The following QNG1 variants were observed in gnomAD, a reference collection of about 807,000 sequenced individuals.
The protein encoded by QNG1 is queuosine 5'-phosphate N-glycosylase/hydrolase.
chr9:83,945,554 A>G, the QNG1 span, among the ~76,000 whole-genome samples: 1 of 152,108 alleles, frequency 6.6e-6, no homozygotes, highest in African/African-American at 2.4e-5. Context: ...TTCTTTTTCA[A>G]TGGCATTACT....
At chr9:83,955,281 T>G in the QNG1 span, 1 of 1,237,634 alleles carries the variant, frequency 8.1e-7, no homozygotes, top group Non-Finnish European at 1.1e-6. Flanking sequence ...AGGAATACAT[T>G]TAAAAATTTA....
the QNG1 span, among the ~76,000 whole-genome samples, chr9:83,947,106 T>C: frequency 6.6e-6 from 1 of 152,204 alleles, no homozygotes; most frequent in South Asian, 2.1e-4. Context: ...AATCTACAAA[T>C]GCAAATCAGC....
chr9:83,951,098 C>T, the QNG1 span, among the ~76,000 whole-genome samples: 1 of 151,858 alleles, frequency 6.6e-6, no homozygotes, highest in African/African-American at 2.4e-5. Flanking sequence ...ATGGTGAAAC[C>T]CTGCCTCTAC....
the QNG1 span, among the ~76,000 whole-genome samples, chr9:83,944,494 A>G: frequency 6.6e-6 from 1 of 152,166 alleles, no homozygotes; most frequent in Non-Finnish European, 1.5e-5. Flanking sequence ...ACACTCTTCA[A>G]ATACTATAAC....
chr9:83,947,409 T>C, the QNG1 span, among the ~76,000 whole-genome samples: 22 of 152,238 alleles, frequency 1.4e-4, no homozygotes, highest in African/African-American at 4.6e-4. Flanking sequence ...TAACCTAATA[T>C]TGCTTAACCT....
the QNG1 span, among the ~76,000 whole-genome samples, chr9:83,943,862 A>T: frequency 6.6e-6 from 1 of 152,148 alleles, no homozygotes. Flanking sequence ...TCTGCTAAAA[A>T]TACAAAAAAT....
chr9:83,955,633 T>C, the QNG1 span: 3 of 1,610,770 alleles, frequency 1.9e-6, no homozygotes, highest in Non-Finnish European at 1.7e-6. Flanking sequence ...CACTAGTTAT[T>C]GGTATCCCTT....
At chr9:83,955,635 G>C in the QNG1 span, 1 of 1,610,274 alleles carries the variant, frequency 6.2e-7, no homozygotes, top group Non-Finnish European at 8.5e-7. Flanking sequence ...CTAGTTATTG[G>C]TATCCCTTTA....
chr9:83,952,655 C>T, the QNG1 span, among the ~76,000 whole-genome samples: 313 of 152,032 alleles, frequency 2.1e-3, 2 homozygotes, highest in African/African-American at 6.6e-3. Flanking sequence ...ATTAGCCGCG[C>T]GTGGTGGCGG....
the QNG1 span, among the ~76,000 whole-genome samples, chr9:83,943,331 C>CAA: frequency 6.7e-4 from 42 of 62,498 alleles, 2 homozygotes; most frequent in African/African-American, 1.5e-3. Context: ...CAGAGCGTCT[C>CAA]AAAAAAAAAA....
the QNG1 span, chr9:83,956,492 C>T: frequency 2.0e-6 from 3 of 1,522,312 alleles, no homozygotes; most frequent in Non-Finnish European, 2.6e-6. Flanking sequence ...GATTTAGGAG[C>T]CCGTCCATTC....
At chr9:83,956,622 A>C in the QNG1 span, 1 of 778,450 alleles carries the variant, frequency 1.3e-6, no homozygotes, top group East Asian at 2.8e-5. Flanking sequence ...CCGCCCTGCC[A>C]GGGAGTGGCA....
At chr9:83,939,656 A>G in the QNG1 span, 1 of 1,614,238 alleles carries the variant, frequency 6.2e-7, no homozygotes, top group Non-Finnish European at 8.5e-7. Context: ...AATAAGCTCC[A>G]GAAGACAATC....
At chr9:83,947,803 G>A in the QNG1 span, among the ~76,000 whole-genome samples, 6 of 152,330 alleles carry the variant, frequency 3.9e-5, no homozygotes, top group African/African-American at 1.2e-4. Context: ...ACAGAGGCTC[G>A]CTCACTCAGT....
At chr9:83,944,498 C>T in the QNG1 span, among the ~76,000 whole-genome samples, 1 of 152,192 alleles carries the variant, frequency 6.6e-6, no homozygotes, top group Non-Finnish European at 1.5e-5. Flanking sequence ...TCTTCAAATA[C>T]TATAACTGAT....
chr9:83,946,872 T>C, the QNG1 span, among the ~76,000 whole-genome samples: 2 of 152,038 alleles, frequency 1.3e-5, no homozygotes, highest in Admixed American at 1.3e-4. Flanking sequence ...GTGCTGGGAT[T>C]ACAGGCATGA....
At chr9:83,953,536 C>T in the QNG1 span, 10 of 306,342 alleles carry the variant, frequency 3.3e-5, no homozygotes, top group Non-Finnish European at 5.6e-5. Context: ...TTAGTAGAGA[C>T]GGGGTTTCAC....
At chr9:83,955,861 G>A in the QNG1 span, among the ~76,000 whole-genome samples, 1 of 152,158 alleles carries the variant, frequency 6.6e-6, no homozygotes, top group African/African-American at 2.4e-5. Flanking sequence ...GATGTATTCT[G>A]AGTAAATTGC....
the QNG1 span, among the ~76,000 whole-genome samples, chr9:83,951,866 C>T: frequency 6.6e-6 from 1 of 152,164 alleles, no homozygotes; most frequent in Non-Finnish European, 1.5e-5. Flanking sequence ...AATCACTGAT[C>T]TAAATCTATC....
Sources: allele counts gnomAD v4.1 joint callset (sites outside exome capture counted in the v4.1 genomes callset), GRCh38; gene constraint gnomAD v4.1.1; transcripts MANE v1.5; gene names NCBI Gene and HGNC (gene_info 2026-07-23, HGNC 2026-07-21).